KCNQ3: variants seen among roughly 807,000 people sequenced by gnomAD.
The protein encoded by KCNQ3 is potassium voltage-gated channel subfamily Q member 3.
A neutral mutation model predicts 92.5 loss-of-function variants in KCNQ3; 30 were observed. The observed-to-expected ratio is 0.32, with a 90% CI of 0.24 to 0.44. The LOEUF (loss-of-function observed/expected upper bound fraction) is 0.44. Ranked by LOEUF, KCNQ3 falls within the 20% of genes least tolerant of loss-of-function variation. The pLI is 1.00. For synonymous variants in KCNQ3, 450 were observed against 468.8 expected, an observed-to-expected ratio of 0.96 and a Z score of 0.52; for missense variants, 913 against 1,140.3, an observed-to-expected ratio of 0.80 and a Z score of 2.87.
intron 1 of KCNQ3, among the ~76,000 whole-genome samples, chr8:132,304,660 T>C (rs1171841810): frequency 6.6e-6 from 1 of 152,174 alleles, no homozygotes; most frequent in African/African-American, 2.4e-5. Context: ...AGTAGGACCA[T>C]ATTGGACAGT....
intron 1 of KCNQ3, among the ~76,000 whole-genome samples, chr8:132,297,293 C>T (rs1252122998): frequency 6.6e-6 from 1 of 151,638 alleles, no homozygotes; most frequent in Non-Finnish European, 1.5e-5. Flanking sequence ...GGATATTAGC[C>T]CTTTGTCAGA....
At chr8:132,448,822 C>G (rs1166611274) in intron 1 of KCNQ3, among the ~76,000 whole-genome samples, 1 of 152,130 alleles carries the variant, frequency 6.6e-6, no homozygotes, top group African/African-American at 2.4e-5. Context: ...TTTTTTCCCT[C>G]TCAAATTCTA....
chr8:132,160,308 G>A (rs922381723), intron 9 of KCNQ3, among the ~76,000 whole-genome samples: 1 of 152,220 alleles, frequency 6.6e-6, no homozygotes, highest in African/African-American at 2.4e-5. Context: ...TGCGGAGGAA[G>A]GCTAATGGAC....
chr8:132,184,975 C>G (rs934921854), intron 2 of KCNQ3, among the ~76,000 whole-genome samples: 1 of 152,234 alleles, frequency 6.6e-6, no homozygotes, highest in Non-Finnish European at 1.5e-5. Context: ...AGCTTAAGCA[C>G]TCTCCAGGAC....
chr8:132,294,425 AG>A (rs1322731590), intron 1 of KCNQ3, among the ~76,000 whole-genome samples: 8 of 152,168 alleles, frequency 5.3e-5, no homozygotes, highest in Non-Finnish European at 8.8e-5. Flanking sequence ...CACCTTAAGG[AG>A]AAAAGGAGAA....
At chr8:132,213,061 C>CA (rs1055091353) in intron 1 of KCNQ3, among the ~76,000 whole-genome samples, 2 of 150,104 alleles carry the variant, frequency 1.3e-5, no homozygotes, top group Non-Finnish European at 3.0e-5. Flanking sequence ...AAAACCAAGA[C>CA]TTTTTTTTTT....
intron 1 of KCNQ3, among the ~76,000 whole-genome samples, chr8:132,369,311 T>C (rs1819407383): frequency 6.6e-6 from 1 of 152,166 alleles, no homozygotes; most frequent in Admixed American, 6.5e-5. Flanking sequence ...AGTCACAACG[T>C]GCAGCTCATA....
At chr8:132,403,846 G>A (rs759370636) in intron 1 of KCNQ3, among the ~76,000 whole-genome samples, 3 of 152,150 alleles carry the variant, frequency 2.0e-5, no homozygotes, top group Non-Finnish European at 4.4e-5. Context: ...GCAGAGAACA[G>A]GGACCTTATT....
At chr8:132,252,372 A>G (rs1310527260) in intron 1 of KCNQ3, among the ~76,000 whole-genome samples, 1 of 152,002 alleles carries the variant, frequency 6.6e-6, no homozygotes, top group Non-Finnish European at 1.5e-5. Context: ...AGTGAGTGTT[A>G]CAGCTCTTAA....
At chr8:132,269,121 T>C (rs1239388426) in intron 1 of KCNQ3, among the ~76,000 whole-genome samples, 1 of 152,222 alleles carries the variant, frequency 6.6e-6, no homozygotes, top group Non-Finnish European at 1.5e-5. Context: ...ACAACAGCTT[T>C]TTATCTAATA....
chr8:132,248,294 G>C (rs935319350), intron 1 of KCNQ3, among the ~76,000 whole-genome samples: 4 of 150,788 alleles, frequency 2.7e-5, no homozygotes. Context: ...CACATTAGTG[G>C]CTTCCAAAAG....
At chr8:132,379,151 C>T (rs1419176688) in intron 1 of KCNQ3, among the ~76,000 whole-genome samples, 1 of 152,162 alleles carries the variant, frequency 6.6e-6, no homozygotes, top group Non-Finnish European at 1.5e-5. Flanking sequence ...TTTATGTGTT[C>T]ACTTTTTACC....
intron 1 of KCNQ3, among the ~76,000 whole-genome samples, chr8:132,233,724 C>G (rs112929998): frequency 1.3e-5 from 2 of 152,084 alleles, no homozygotes; most frequent in East Asian, 3.8e-4. Flanking sequence ...TAAACGGGTC[C>G]CTCATTTCAC....
chr8:132,473,276 T>C (rs202147869), intron 1 of KCNQ3, among the ~76,000 whole-genome samples: 1 of 151,756 alleles, frequency 6.6e-6, no homozygotes, highest in Non-Finnish European at 1.5e-5. Context: ...CTAAATAGAG[T>C]CAGGGAAATG....
At chr8:132,458,175 G>A (rs1303342406) in intron 1 of KCNQ3, among the ~76,000 whole-genome samples, 1 of 152,162 alleles carries the variant, frequency 6.6e-6, no homozygotes, top group Non-Finnish European at 1.5e-5. Flanking sequence ...CCTCCCTCAA[G>A]GTACATGGTG....
chr8:132,401,154 T>G (rs1331072356), intron 1 of KCNQ3, among the ~76,000 whole-genome samples: 2 of 152,132 alleles, frequency 1.3e-5, no homozygotes, highest in Non-Finnish European at 2.9e-5. Context: ...AAACCAGGGC[T>G]GCATCCATGA....
At chr8:132,419,578 C>T (rs548511703) in intron 1 of KCNQ3, among the ~76,000 whole-genome samples, 13 of 152,328 alleles carry the variant, frequency 8.5e-5, no homozygotes, top group Admixed American at 8.5e-4. Flanking sequence ...TGGACAGCCA[C>T]ACCCATCTCC....
intron 1 of KCNQ3, among the ~76,000 whole-genome samples, chr8:132,384,724 C>CTGATCGA (rs1819847431): frequency 6.6e-6 from 1 of 152,190 alleles, no homozygotes; most frequent in East Asian, 1.9e-4. Flanking sequence ...TCATAACTTT[C>CTGATCGA]TGATCGATAG....
intron 1 of KCNQ3, among the ~76,000 whole-genome samples, chr8:132,383,915 A>C (rs895247185): frequency 3.3e-5 from 5 of 152,164 alleles, no homozygotes; most frequent in Admixed American, 2.6e-4. Flanking sequence ...CCTCTGAAAA[A>C]TAAGGGTTAA....
Sources: gnomAD v4.1 joint callset for allele counts (sites outside exome capture counted in the v4.1 genomes callset) on GRCh38, gnomAD v4.1.1 for gene constraint, MANE v1.5 for transcripts, NCBI Gene and HGNC (gene_info 2026-07-23, HGNC 2026-07-21) for gene names.